The following RBFOX3 variants were observed in gnomAD, a reference collection of about 807,000 sequenced individuals.
RBFOX3 encodes RNA binding fox-1 homolog 3, also known as RNA binding protein fox-1 homolog 3.
RBFOX3 carries 17 observed loss-of-function variants against 48.7 expected under a neutral mutation model. The observed-to-expected ratio is 0.35, with a 90% CI of 0.24 to 0.52. RBFOX3 has a LOEUF of 0.52. Ranked by LOEUF, RBFOX3 falls within the 20% of genes least tolerant of loss-of-function variation. The probability of loss-of-function intolerance (pLI) is 0.94; values close to 1 mark genes in which losing one functional copy is unlikely to be tolerated. For missense variants in RBFOX3, 382 were observed against 497.5 expected, an observed-to-expected ratio of 0.77 and a Z score of 2.21; for synonymous variants, 212 against 209.5, an observed-to-expected ratio of 1.01 and a Z score of -0.10.
chr17:79,106,873 A>C, intron 5 of RBFOX3, 85 bp from the exon 6 acceptor site: 1 of 1,335,566 alleles, frequency 7.5e-7, no homozygotes, highest in East Asian at 3.2e-5. Flanking sequence ...CAGAGTCTAA[A>C]GGCCAGATTC....
chr17:79,386,379 C>T (rs1429391674), intron 2 of RBFOX3, among the ~76,000 whole-genome samples: 4 of 152,008 alleles, frequency 2.6e-5, no homozygotes, highest in Non-Finnish European at 5.9e-5. Context: ...TAGGTGAGGG[C>T]TCCATCACCT....
At chr17:79,429,451 T>C (rs1598652427) in intron 2 of RBFOX3, among the ~76,000 whole-genome samples, 1 of 151,844 alleles carries the variant, frequency 6.6e-6, no homozygotes, top group Non-Finnish European at 1.5e-5. Flanking sequence ...AGGCAGAGAG[T>C]GAGTCCAGCA....
At chr17:79,524,010 G>T (rs1378202862) in intron 1 of RBFOX3, among the ~76,000 whole-genome samples, 4 of 152,058 alleles carry the variant, frequency 2.6e-5, no homozygotes, top group East Asian at 1.9e-4. Context: ...CCCTCTTGTT[G>T]TTCTTCCCTT....
At chr17:79,561,104 A>G (rs2092185795) in intron 1 of RBFOX3, among the ~76,000 whole-genome samples, 1 of 152,228 alleles carries the variant, frequency 6.6e-6, no homozygotes, top group African/African-American at 2.4e-5. Context: ...CTTGCACTAC[A>G]GTGAGTCCAA....
intron 3 of RBFOX3, among the ~76,000 whole-genome samples, chr17:79,304,502 G>A (rs2075819693): frequency 6.7e-6 from 1 of 149,936 alleles, no homozygotes; most frequent in Non-Finnish European, 1.5e-5. Flanking sequence ...ATACTCTTAT[G>A]TGTTAAAAAA....
At chr17:79,602,235 T>A (rs1213597408) in intron 1 of RBFOX3, among the ~76,000 whole-genome samples, 2 of 152,232 alleles carry the variant, frequency 1.3e-5, no homozygotes, top group African/African-American at 4.8e-5. Flanking sequence ...TCCCGCCCTT[T>A]GGCCATCAGC....
intron 3 of RBFOX3, among the ~76,000 whole-genome samples, chr17:79,246,687 CA>C: frequency 6.6e-6 from 1 of 152,276 alleles, no homozygotes; most frequent in East Asian, 1.9e-4. Flanking sequence ...GGTGAGATCT[CA>C]AGACCCATCC....
At chr17:79,104,177 T>G in intron 6 of RBFOX3, 51 bp from the exon 7 acceptor site, 1 of 1,461,194 alleles carries the variant, frequency 6.8e-7, no homozygotes, top group Non-Finnish European at 9.4e-7. Flanking sequence ...AAGTGCGGGT[T>G]AAGACTGCTG....
chr17:79,166,505 G>A lies in RBFOX3; in HGVS notation c.-33-50757C>T, dbSNP rs143681205. Among the ~76,000 whole-genome samples, 1,133 of 152,226 alleles carry A rather than the reference G, an allele frequency of 7.4e-3. 4 individuals carry two copies. The highest frequency in any genetic ancestry group is 0.012 in the Non-Finnish European group (818 of 68,028). On this transcript the variant is annotated intron_variant, in intron 4 of 14. Coordinates refer to ENST00000693108, the MANE Select transcript of RBFOX3 (RefSeq NM_001350451.2). Reference sequence around the variant, plus strand: ...GTCCAAGAGCCACCCACGGGGAGCTGAGATGGGGGAAGGGAATGAGGGGGC... The same window carrying A: ...GTCCAAGAGCCACCCACGGGGAGCTAAGATGGGGGAAGGGAATGAGGGGGC...
chr17:79,408,000 G>A (rs1304807492), intron 2 of RBFOX3, among the ~76,000 whole-genome samples: 1 of 152,216 alleles, frequency 6.6e-6, no homozygotes, highest in Non-Finnish European at 1.5e-5. Context: ...GTCCCAGCTA[G>A]TTTGTTTCCA....
At chr17:79,651,625 C>CCTCTCTCT in the RBFOX3 span, among the ~76,000 whole-genome samples, 1 of 97,816 alleles carries the variant, frequency 1.0e-5, no homozygotes, top group Admixed American at 1.2e-4. Context: ...TGCCCCCTTT[C>CCTCTCTCT]CTCTCTCTCT....
At chr17:79,651,461 C>G in the RBFOX3 span, among the ~76,000 whole-genome samples, 3 of 152,106 alleles carry the variant, frequency 2.0e-5, no homozygotes, top group Non-Finnish European at 4.4e-5. Context: ...GTGACACCCC[C>G]GGGCCGTCCC....
intron 1 of RBFOX3, among the ~76,000 whole-genome samples, chr17:79,591,988 AGTGT>A (rs1299156923): frequency 6.7e-6 from 1 of 149,636 alleles, no homozygotes; most frequent in Non-Finnish European, 1.5e-5. Flanking sequence ...TGGTATGTGC[AGTGT>A]GTGTGTGTGG....
chr17:79,279,247 G>T (rs532912667), intron 3 of RBFOX3, among the ~76,000 whole-genome samples: 1 of 152,272 alleles, frequency 6.6e-6, no homozygotes, highest in East Asian at 1.9e-4. Context: ...AGGTGTCTCT[G>T]CTTCTCTAGG....
intron 4 of RBFOX3, among the ~76,000 whole-genome samples, chr17:79,143,152 A>AG (rs138332469): frequency 6.6e-6 from 1 of 152,278 alleles, no homozygotes; most frequent in African/African-American, 2.4e-5. Context: ...CCCCACAAGA[A>AG]GGGGGGTCCC....
At chr17:79,636,085 A>G in the RBFOX3 span, among the ~76,000 whole-genome samples, 1 of 152,182 alleles carries the variant, frequency 6.6e-6, no homozygotes, top group Non-Finnish European at 1.5e-5. Flanking sequence ...TTACCCTGAC[A>G]AGTAAGCCAA....
At chr17:79,376,528 C>A (rs116276686) in intron 2 of RBFOX3, among the ~76,000 whole-genome samples, 2,422 of 152,278 alleles carry the variant, frequency 0.016, 64 homozygotes, top group African/African-American at 0.055. Flanking sequence ...CAGCTGAATT[C>A]TTTTTCAAAA....
At chr17:79,148,844 C>G (rs1418102525) in intron 4 of RBFOX3, among the ~76,000 whole-genome samples, 1 of 152,166 alleles carries the variant, frequency 6.6e-6, no homozygotes, top group Non-Finnish European at 1.5e-5. Context: ...GCCAAAGTCC[C>G]CAGAGGATGG....
At chr17:79,170,591 C>T (rs1441402013) in intron 4 of RBFOX3, among the ~76,000 whole-genome samples, 4 of 152,108 alleles carry the variant, frequency 2.6e-5, no homozygotes, top group Non-Finnish European at 4.4e-5. Context: ...GTGGTGTGTC[C>T]GTTAGGCCTC....
Sources: gnomAD v4.1 joint callset for allele counts (sites outside exome capture counted in the v4.1 genomes callset) on GRCh38, gnomAD v4.1.1 for gene constraint, MANE v1.5 for transcripts, NCBI Gene and HGNC (gene_info 2026-07-23, HGNC 2026-07-21) for gene names.